TBC1D17: variants seen among roughly 807,000 people sequenced by gnomAD.
TBC1D17 encodes the protein TBC1 domain family, member 17.
In TBC1D17, 69 loss-of-function variants were observed where a neutral mutation model predicts 78.8. The observed-to-expected ratio is 0.88, with a 90% CI of 0.72 to 1.07. TBC1D17 has a LOEUF of 1.07. Among genes scored for constraint, TBC1D17 ranks in the 50% least tolerant of loss-of-function variants. TBC1D17 has a pLI of 0.00. For synonymous variants in TBC1D17, 456 were observed against 358.3 expected, an observed-to-expected ratio of 1.27 and a Z score of -3.08; for missense variants, 957 against 861.0, an observed-to-expected ratio of 1.11 and a Z score of -1.39.
intron 13 of TBC1D17, among the ~76,000 whole-genome samples, chr19:49,886,149 G>A (rs1221048531): frequency 3.3e-5 from 5 of 151,712 alleles, no homozygotes; most frequent in South Asian, 2.1e-4. Context: ...GGGTGGTGGC[G>A]AGCACCTGTA....
chr19:49,888,398 T>G, intron 16 of TBC1D17, 26 bp from the exon 17 acceptor site: 1 of 1,587,292 alleles, frequency 6.3e-7, no homozygotes, highest in South Asian at 1.1e-5. Flanking sequence ...CTTCCGCTTT[T>G]CGCTTCTCTC....
In TBC1D17 at chr19:49,884,640, C is replaced by G. The variant is rs886708905; in HGVS notation, c.1345-19C>G. The stretch of plus-strand genomic sequence containing the variant: ...TACCTCACGGGGTCTGCTCTTTCCC[C>G]CCTCCTTCCGTCCCACAGCAAGGGA... On this transcript the variant is annotated intron_variant, in intron 12 of 16. Coordinates refer to ENST00000221543, the MANE Select transcript of TBC1D17 (RefSeq NM_024682.3). 3.7e-6 allele frequency: 6 copies of G among 1,613,954 alleles called. No homozygotes were observed. The East Asian group carries it at 6.7e-5, about 18-fold the overall frequency.
rs111561249 is a variant in TBC1D17, at chr19:49,882,875, A to G, written c.910A>G (p.Asn304Asp). 1.0e-3 allele frequency: 1,638 copies of G among 1,609,292 alleles called. 10 individuals carry two copies. In the African/African-American group the frequency reaches 0.018, roughly 18 times the overall value. ...GRLQQVPELK[N>D]RIFSGGLSPS... ...CCTGCAGCAGGTCCCTGAGCTGAAG[A>G]ACCGGATCTTCTCGGGGGTGAGTGC... The change falls in exon 8 of 17, where the codon AAC (asparagine) becomes GAC (aspartate). Residue 304 changes from asparagine to aspartate, a missense_variant. Coordinates refer to ENST00000221543, the MANE Select transcript of TBC1D17 (RefSeq NM_024682.3).
At position 49,887,627 on chromosome 19, in the gene TBC1D17, G is replaced by C; in HGVS notation, c.1542+54G>C. The C allele has an allele frequency of 1.9e-6, 3 of 1,610,888 alleles. No homozygotes were observed. The East Asian group carries it at 6.7e-5, about 36-fold the overall frequency. On this transcript the variant is annotated intron_variant, in intron 14 of 16. Transcript: ENST00000221543. ...TGAAGGGGTGGGCTCACCTGCCCTG[G>C]GAGGTTGGGCGGAGAGGGACAGACC...
rs759345871 is a variant in TBC1D17, at chr19:49,882,373, C to G, written c.771C>G (p.Pro257=). 2 of 1,608,342 alleles carry G rather than the reference C, an allele frequency of 1.2e-6. No homozygotes were observed. Among genetic ancestry groups the G allele is most frequent in the South Asian group, 1.1e-5 (1 of 91,064 alleles). ...SDLPPPPDDE[P]EPGFEVISCV... ...TTCCCCCGCCACCCGACGATGAGCC[C>G]GAGCCTGGATTCGAGGTCATTTCCT... Residue 257 remains proline (P), a synonymous_variant, in exon 7 of 17, where the codon CCC becomes CCG. Transcript: ENST00000221543.
rs1014092943 is a variant in TBC1D17, at chr19:49,884,728, G to T, written c.1414G>T (p.Val472Leu). ...CGGGCGACTGCTGCTGCTCCTGAGG[G>T]TGCTGGACCCCCTGCTCTGCGACTT... ...QLGRLLLLLR[V>L]LDPLLCDFLD... is the part of the protein sequence containing the mutation. The change falls in exon 13 of 17, where the codon GTG (valine) becomes TTG (leucine). Residue 472 changes from valine (V) to leucine (L), a missense_variant. Transcript: ENST00000221543. 8 of 1,614,032 alleles carry T rather than the reference G, an allele frequency of 5.0e-6. No individual in the cohort carries two copies. Among genetic ancestry groups the T allele is most frequent in the Non-Finnish European group, 6.8e-6 (8 of 1,180,030 alleles).
intron 2 of TBC1D17, 86 bp from the exon 3 acceptor site, chr19:49,878,412 C>G: frequency 7.1e-7 from 1 of 1,417,754 alleles, no homozygotes; most frequent in Non-Finnish European, 1.0e-6. Flanking sequence ...AGGGTAGAAA[C>G]TGGGAAAGTT....
chr19:49,884,162 CAGG>C (rs1600450421), intron 10 of TBC1D17, 88 bp from the exon 11 acceptor site: 1 of 1,172,220 alleles, frequency 8.5e-7, no homozygotes, highest in South Asian at 1.3e-5. Context: ...GGGCTGCCAG[CAGG>C]AGGAGCAGTG....
intron 1 of TBC1D17, 112 bp downstream of exon 1, chr19:49,877,856 C>A: frequency 7.5e-7 from 1 of 1,330,570 alleles, no homozygotes; most frequent in East Asian, 2.6e-5. Context: ...CCTTGGCAAA[C>A]ACCGATCTCT....
In TBC1D17 at chr19:49,887,819, C is replaced by T; in HGVS notation, c.1644C>T (p.Ser548=). ...CCCTCATGCTGTCCGGCTTCGGCTC[C>T]AATGAGATCCTCAAGGTGAGGCTCC... is the stretch of plus-strand genomic sequence containing the variant. ...RDTLMLSGFG[S]NEILKHINEL... The change falls in exon 15 of 17, where the codon TCC becomes TCT. Residue 548 remains serine, a synonymous_variant. Coordinates refer to ENST00000221543, the MANE Select transcript of TBC1D17 (RefSeq NM_024682.3). 1 of 1,610,032 alleles carries T rather than the reference C, an allele frequency of 6.2e-7. No individual in the cohort carries two copies. Among genetic ancestry groups the T allele is most frequent in the Non-Finnish European group, 8.5e-7 (1 of 1,178,802 alleles).
At chr19:49,880,482 G>C in intron 4 of TBC1D17, 80 bp downstream of exon 4, 1 of 1,531,660 alleles carries the variant, frequency 6.5e-7, no homozygotes, top group South Asian at 1.2e-5. Context: ...ACGGTCCCAA[G>C]GGCTTTGCTG....
In TBC1D17 at chr19:49,878,260, G is replaced by C. The variant is rs1433136780; in HGVS notation, c.120+19G>C. On this transcript the variant is annotated intron_variant, in intron 2 of 16. Transcript: ENST00000221543. ...GGAAAAGGTGCGCTGGGAGGGAGCA[G>C]GGCTCGGACCCGCTCCGAGCGGGAT... The C allele has an allele frequency of 1.2e-5, 18 of 1,552,666 alleles. No homozygotes were observed. In the Admixed American group the frequency reaches 3.1e-4, roughly 27 times the overall value.
At chr19:49,877,932 C>G (rs1034781259) in intron 1 of TBC1D17, 188 bp downstream of exon 1, 1 of 774,508 alleles carries the variant, frequency 1.3e-6, no homozygotes. Flanking sequence ...CCCGCCCCCC[C>G]GGCTCAGGCG....
At chr19:49,885,432 C>T (rs902982358) in intron 13 of TBC1D17, 1 of 134,808 alleles carries the variant, frequency 7.4e-6, no homozygotes, top group Non-Finnish European at 1.6e-5. Flanking sequence ...GCAACAAGAG[C>T]GAAAGAAACT....
chr19:49,882,352 C>T lies in TBC1D17; in HGVS notation c.750C>T (p.Pro250=). ...PQPEGAASDL[P]PPPDDEPEPG... is the part of the protein sequence containing the mutation. ...CTGAGGGAGCCGCCTCCGACCTTCC[C>T]CCGCCACCCGACGATGAGCCCGAGC... Residue 250 remains proline (P), a synonymous_variant, in exon 7 of 17, where the codon CCC becomes CCT. Coordinates refer to ENST00000221543, the MANE Select transcript of TBC1D17 (RefSeq NM_024682.3). The T allele has an allele frequency of 1.2e-6, 2 of 1,610,110 alleles. No homozygotes were observed. The highest frequency in any genetic ancestry group is 8.5e-7 in the Non-Finnish European group (1 of 1,179,974).
At position 49,888,313 on chromosome 19, in the gene TBC1D17, G is replaced by T; in HGVS notation, c.1742G>T (p.Cys581Phe). ...GCCCTGCACCGCCAGCTAACCGCCTGCCCCGTGAGTCCCCGTCCGCCCCGC... is the reference window on the plus strand; with the variant it reads ...GCCCTGCACCGCCAGCTAACCGCCTTCCCCGTGAGTCCCCGTCCGCCCCGC... ...AEALHRQLTA[C>F]PELPHNVQEI... The change falls in exon 16 of 17, where the codon TGC becomes TTC. Residue 581 changes from cysteine (C) to phenylalanine (F), a missense_variant. By Grantham distance (205) the Cys-to-Phe change is radical. Transcript: ENST00000221543. 1 of 1,578,904 alleles carries T rather than the reference G, an allele frequency of 6.3e-7. No homozygotes were observed. The highest frequency in any genetic ancestry group is 1.3e-5 in the African/African-American group (1 of 74,422).
At chr19:49,884,220 C>T in intron 10 of TBC1D17, 33 bp from the exon 11 acceptor site, 1 of 1,601,448 alleles carries the variant, frequency 6.2e-7, no homozygotes, top group South Asian at 1.1e-5. Flanking sequence ...CCCTACCTTT[C>T]TCACCTTTGC....
At chr19:49,880,248 C>T (rs750604921) in intron 3 of TBC1D17, 31 bp from the exon 4 acceptor site, 17 of 1,612,350 alleles carry the variant, frequency 1.1e-5, no homozygotes, top group Admixed American at 3.3e-5. Context: ...AATCCATGGC[C>T]CCTTACTGTC....
chr19:49,880,226 G>A, intron 3 of TBC1D17, 53 bp from the exon 4 acceptor site: 3 of 1,601,974 alleles, frequency 1.9e-6, no homozygotes, highest in East Asian at 2.2e-5. Flanking sequence ...GTAGCCTCGA[G>A]GCTAAGATCT....
Sources: gnomAD v4.1 joint callset for allele counts (sites outside exome capture counted in the v4.1 genomes callset) on GRCh38, gnomAD v4.1.1 for gene constraint, MANE v1.5 for transcripts, NCBI Gene and HGNC (gene_info 2026-07-23, HGNC 2026-07-21) for gene names.